Variants in CADPS2 observed in about 807,000 individuals in gnomAD.
The protein encoded by CADPS2 is calcium dependent secretion activator 2, also known as calcium-dependent secretion activator 2.
In CADPS2, 93 loss-of-function variants were observed where a neutral mutation model predicts 172.5. The observed-to-expected ratio is 0.54, with a 90% confidence interval of 0.46 to 0.64. The LOEUF (loss-of-function observed/expected upper bound fraction) is 0.64. CADPS2 is among the 30% of genes least tolerant of loss of function. The pLI is 0.00. For missense variants in CADPS2, 1,420 were observed against 1,565.9 expected, an observed-to-expected ratio of 0.91 and a Z score of 1.57; for synonymous variants, 546 against 555.2, an observed-to-expected ratio of 0.98 and a Z score of 0.23.
chr7:122,615,169 C>T lies in CADPS2; in HGVS notation c.1223+12G>A. The T allele has an allele frequency of 6.8e-7, 1 of 1,462,454 alleles. No individual in the cohort carries two copies. The highest frequency in any genetic ancestry group is 9.3e-7 in the Non-Finnish European group (1 of 1,079,384). The allele number at this position is 1,462,454 out of a possible 1,614,324, so 90.6% of individuals were successfully genotyped here. ...AACAACAACAATAATACACTTTTTTCAACTGGCTTACTGTGGCCTTGAGGC... is the reference window on the plus strand; with the variant it reads ...AACAACAACAATAATACACTTTTTTTAACTGGCTTACTGTGGCCTTGAGGC... On this transcript the variant is annotated intron_variant, in intron 6 of 29. Transcript: ENST00000449022.
intron 1 of CADPS2, among the ~76,000 whole-genome samples, chr7:122,864,016 C>A (rs971105927): frequency 6.6e-6 from 1 of 151,498 alleles, no homozygotes; most frequent in Non-Finnish European, 1.5e-5. Context: ...GGTGACAGGG[C>A]GAGATTCCGT....
chr7:122,525,813 C>G (rs2061182889), intron 8 of CADPS2, among the ~76,000 whole-genome samples: 1 of 152,098 alleles, frequency 6.6e-6, no homozygotes, highest in Non-Finnish European at 1.5e-5. Flanking sequence ...AACTGGGCTA[C>G]ATGGTACAGC....
chr7:122,457,414 C>A (rs2053918005), intron 14 of CADPS2, among the ~76,000 whole-genome samples: 1 of 152,152 alleles, frequency 6.6e-6, no homozygotes, highest in Non-Finnish European at 1.5e-5. Flanking sequence ...AATATCCATT[C>A]CTTTGGAGTA....
At chr7:122,819,378 C>A (rs1347706379) in intron 1 of CADPS2, among the ~76,000 whole-genome samples, 1 of 152,208 alleles carries the variant, frequency 6.6e-6, no homozygotes, top group African/African-American at 2.4e-5. Context: ...ATCTTCTCGG[C>A]TTAGCGGCTG....
At chr7:122,803,225 C>A (rs1238544916) in intron 1 of CADPS2, among the ~76,000 whole-genome samples, 2 of 152,164 alleles carry the variant, frequency 1.3e-5, no homozygotes, top group African/African-American at 4.8e-5. Flanking sequence ...CTCATAGAAA[C>A]CCACTTAATC....
chr7:122,601,175 T>C (rs1055579528), intron 6 of CADPS2, among the ~76,000 whole-genome samples: 2 of 152,078 alleles, frequency 1.3e-5, no homozygotes, highest in Non-Finnish European at 2.9e-5. Context: ...GGCAGAACTA[T>C]ATAAAATTCA....
chr7:122,576,822 G>A (rs548623032), intron 7 of CADPS2, among the ~76,000 whole-genome samples: 11 of 150,042 alleles, frequency 7.3e-5, no homozygotes, highest in East Asian at 2.0e-4. Context: ...GCCCAGTGGC[G>A]CGATCTCGGC....
chr7:122,606,069 C>A (rs1354766904), intron 6 of CADPS2, among the ~76,000 whole-genome samples: 1 of 152,156 alleles, frequency 6.6e-6, no homozygotes, highest in Non-Finnish European at 1.5e-5. Flanking sequence ...GCCAACTTTA[C>A]TGAAAGTAAA....
At chr7:122,629,213 G>C in intron 4 of CADPS2, 35 bp downstream of exon 4, 1 of 1,495,506 alleles carries the variant, frequency 6.7e-7, no homozygotes, top group Non-Finnish European at 9.1e-7. Flanking sequence ...GTAAAGAAAG[G>C]AATGTCATAC....
At chr7:122,652,464 AATATT>A (rs1257787588) in intron 3 of CADPS2, among the ~76,000 whole-genome samples, 1 of 152,178 alleles carries the variant, frequency 6.6e-6, no homozygotes, top group Non-Finnish European at 1.5e-5. Flanking sequence ...ATACAGTTTT[AATATT>A]ATATAACATT....
chr7:122,835,430 T>C (rs1584776552), intron 1 of CADPS2, among the ~76,000 whole-genome samples: 1 of 152,208 alleles, frequency 6.6e-6, no homozygotes, highest in African/African-American at 2.4e-5. Flanking sequence ...CAAAGCTGGA[T>C]GGAGAATGAC....
Position 122,581,244 on chromosome 7 carries a change from C to T in CADPS2, c.1270G>A (p.Val424Ile), listed in dbSNP as rs1487555454. 6.2e-7 allele frequency: 1 copy of T among 1,613,236 alleles called. No individual in the cohort carries two copies. Among genetic ancestry groups the T allele is most frequent in the Non-Finnish European group, 8.5e-7 (1 of 1,179,438 alleles). ...CTTTCTGTGAAGAGTTTCACTTTGA[C>T]CACAGGCCGAGGATGGGTGGTGGTG... ...DFTTTHPRPVVKVKLFTESTG... is the reference protein window; with the variant it reads ...DFTTTHPRPVIKVKLFTESTG... The change falls in exon 7 of 30, where the codon GTC becomes ATC. Residue 424 changes from valine to isoleucine, a missense_variant. Physicochemically the swap from Val to Ile is conservative, Grantham distance 29. Coordinates refer to ENST00000449022, the MANE Select transcript of CADPS2 (RefSeq NM_017954.11).
intron 20 of CADPS2, among the ~76,000 whole-genome samples, chr7:122,405,350 G>A (rs2046515679): frequency 6.6e-6 from 1 of 152,044 alleles, no homozygotes; most frequent in African/African-American, 2.4e-5. Context: ...TGGCAGGAAG[G>A]AAACAAACTG....
At chr7:122,374,502 T>C (rs1034049697) in intron 25 of CADPS2, among the ~76,000 whole-genome samples, 1 of 152,028 alleles carries the variant, frequency 6.6e-6, no homozygotes, top group East Asian at 1.9e-4. Flanking sequence ...TAAAATTATC[T>C]CTGTTTGCAG....
chr7:122,438,196 G>A (rs1384385948), intron 17 of CADPS2, 145 bp downstream of exon 17: 17 of 1,001,160 alleles, frequency 1.7e-5, no homozygotes, highest in East Asian at 5.1e-5. Flanking sequence ...AAGCTCTTCA[G>A]TTCACCAGCT....
At chr7:122,346,152 G>A (rs1461595740) in intron 27 of CADPS2, among the ~76,000 whole-genome samples, 2 of 151,702 alleles carry the variant, frequency 1.3e-5, no homozygotes, top group Non-Finnish European at 2.9e-5. Flanking sequence ...GGATCGCTTG[G>A]GCCCAGGAGT....
intron 1 of CADPS2, among the ~76,000 whole-genome samples, chr7:122,841,879 GA>G (rs1299735841): frequency 6.6e-6 from 1 of 152,152 alleles, no homozygotes; most frequent in Non-Finnish European, 1.5e-5. Context: ...CCACTCTAAG[GA>G]AAGTTCCAGC....
chr7:122,878,303 C>G (rs1821831069), intron 1 of CADPS2, among the ~76,000 whole-genome samples: 1 of 138,708 alleles, frequency 7.2e-6, no homozygotes, highest in East Asian at 2.2e-4. Context: ...ACGAATGATA[C>G]AAGTAAAAAA....
At chr7:122,518,595 A>G (rs2060548779) in intron 8 of CADPS2, among the ~76,000 whole-genome samples, 1 of 152,160 alleles carries the variant, frequency 6.6e-6, no homozygotes, top group Non-Finnish European at 1.5e-5. Flanking sequence ...GGTGTACTAG[A>G]GATTTGCTAG....
Sources: allele counts gnomAD v4.1 joint callset (sites outside exome capture counted in the v4.1 genomes callset), GRCh38; gene constraint gnomAD v4.1.1; transcripts MANE v1.5; gene names NCBI Gene and HGNC (gene_info 2026-07-23, HGNC 2026-07-21).